AKAP9: variants seen among roughly 807,000 people sequenced by gnomAD.
The protein encoded by AKAP9 is A-kinase anchoring protein 9.
In AKAP9, 311 loss-of-function variants were observed where a neutral mutation model predicts 488.5. That is an observed-to-expected ratio of 0.64 (90% CI 0.58 to 0.70). AKAP9 has a LOEUF of 0.70. AKAP9 is among the 30% of genes least tolerant of loss of function. The pLI is 0.00. For missense variants in AKAP9, 4,215 were observed against 4,374.5 expected (o/e 0.96, Z 1.03); for synonymous variants, 1,462 against 1,483.5 (o/e 0.99, Z 0.33).
intron 14 of AKAP9, among the ~76,000 whole-genome samples, chr7:92,025,488 T>G (rs1040655675): frequency 6.6e-6 from 1 of 152,258 alleles, no homozygotes; most frequent in Non-Finnish European, 1.5e-5. Context: ...TCACATATTT[T>G]GGACATGACT....
Position 92,083,618 on chromosome 7 carries a change from C to T in AKAP9, c.8609C>T (p.Thr2870Ile), listed in dbSNP as rs777828743. ...AVQLLKEECGTLKAVIQCLRS... is the reference protein window; with the variant it reads ...AVQLLKEECGILKAVIQCLRS... ...CAGTTACTGAAAGAGGAATGTGGTA[C>T]CTTGAAGGCAGTGATACAGTGTCTG... Residue 2870 changes from threonine to isoleucine, a missense_variant, in exon 33 of 50, where the codon ACC becomes ATC. Thr to Ile is a moderately conservative substitution (Grantham distance 89, BLOSUM62 -1). This residue lies in a region of AKAP9 where 1,476 missense variants were observed against 1,477.4 expected (regional missense o/e 1.00). Transcript: ENST00000356239. 6.2e-7 allele frequency: 1 copy of T among 1,607,576 alleles called. No individual in the cohort carries two copies. The highest frequency in any genetic ancestry group is 1.7e-5 in the Admixed American group (1 of 58,538).
intron 3 of AKAP9, among the ~76,000 whole-genome samples, chr7:91,986,380 G>C (rs1340458035): frequency 6.6e-6 from 1 of 152,014 alleles, no homozygotes; most frequent in African/African-American, 2.4e-5. Context: ...GCCCTGCTTC[G>C]GCTCACCCTC....
At chr7:91,982,759 A>T (rs1562931758) in intron 3 of AKAP9, among the ~76,000 whole-genome samples, 1 of 152,188 alleles carries the variant, frequency 6.6e-6, no homozygotes, top group African/African-American at 2.4e-5. Flanking sequence ...TCCTTGAGGA[A>T]TTGTCACACT....
intron 47 of AKAP9, among the ~76,000 whole-genome samples, chr7:92,106,198 TTTTC>T (rs1818485050): frequency 6.6e-6 from 1 of 152,204 alleles, no homozygotes. Flanking sequence ...GGAAGCAATG[TTTTC>T]CAAAGACAAA....
intron 27 of AKAP9, among the ~76,000 whole-genome samples, chr7:92,070,409 GTTTTGTT>G (rs1811516902): frequency 1.8e-4 from 9 of 50,320 alleles, no homozygotes; most frequent in Middle Eastern, 8.5e-3. Flanking sequence ...TTGTTGTTTT[GTTTTGTT>G]TTGTTTTGTT....
intron 4 of AKAP9, 103 bp downstream of exon 4, chr7:91,992,314 G>A: frequency 2.3e-6 from 2 of 869,780 alleles, no homozygotes; most frequent in South Asian, 1.4e-5. Flanking sequence ...TTCTGTGTGT[G>A]ATTTCAAATT....
rs1233330908 is a variant in AKAP9, at chr7:92,084,644, C to A, written c.8651C>A (p.Ser2884Tyr). ...VIQCLRSKEG[S>Y]SIPELAHSDA... ...CTTTTTGTTTTCTCTAATTAGGGAT[C>A]CTCAATTCCTGAGCTAGCACATTCT... Residue 2884 changes from serine to tyrosine, a missense_variant, in exon 34 of 50, where the codon TCC becomes TAC. Physicochemically the swap from Ser to Tyr is moderately radical, Grantham distance 144. Coordinates refer to ENST00000356239, the MANE Select transcript of AKAP9 (RefSeq NM_005751.5). 3 of 1,606,460 alleles carry A rather than the reference C, an allele frequency of 1.9e-6. No individual in the cohort carries two copies. Among genetic ancestry groups the A allele is most frequent in the Non-Finnish European group, 2.6e-6 (3 of 1,173,960 alleles).
rs146977345 is a variant in AKAP9, at chr7:92,040,644, T to G, written c.4693-30T>G. ...TTTTACAAAATGTGTTATGGTTGAATTGTTTTTTTTTTTTTTTTTACTATT... is the reference window on the plus strand; with the variant it reads ...TTTTACAAAATGTGTTATGGTTGAAGTGTTTTTTTTTTTTTTTTTACTATT... On this transcript the variant is annotated intron_variant, in intron 17 of 49. Coordinates refer to ENST00000356239, the MANE Select transcript of AKAP9 (RefSeq NM_005751.5). The G allele has an allele frequency of 6.7e-4, 920 of 1,373,636 alleles. 8 individuals carry two copies. In the African/African-American group the frequency reaches 0.014, roughly 20 times the overall value. The allele number at this position is 1,373,636 out of a possible 1,614,324, so 85.1% of individuals were successfully genotyped here. A position where few individuals can be genotyped will look rare whatever the true frequency, so the allele number is the denominator to read the frequency against.
chr7:92,030,143 A>G, intron 15 of AKAP9, 152 bp downstream of exon 15: 1 of 621,936 alleles, frequency 1.6e-6, no homozygotes, highest in East Asian at 2.8e-5. Context: ...CAGAATACAC[A>G]TGTAAAGAAA....
intron 1 of AKAP9, among the ~76,000 whole-genome samples, chr7:91,964,962 CAT>C (rs1468586536): frequency 6.6e-6 from 1 of 151,910 alleles, no homozygotes; most frequent in Non-Finnish European, 1.5e-5. Context: ...TTAATGCACT[CAT>C]ATAGTTTGTA....
At chr7:92,090,621 CAAAAAAAAAA>C (rs71107852) in intron 38 of AKAP9, 48 of 111,572 alleles carry the variant, frequency 4.3e-4, no homozygotes, top group African/African-American at 1.1e-3. Context: ...GACTCCATCT[CAAAAAAAAAA>C]AAAAAAAAAA....
At chr7:92,018,138 G>T (rs1020510053) in intron 12 of AKAP9, among the ~76,000 whole-genome samples, 2 of 152,096 alleles carry the variant, frequency 1.3e-5, no homozygotes, top group Non-Finnish European at 2.9e-5. Flanking sequence ...CTTGTGCATC[G>T]TGTTGCCATT....
intron 7 of AKAP9, among the ~76,000 whole-genome samples, chr7:91,997,920 T>C (rs4729017): frequency 0.96 from 145,591 of 152,232 alleles, 69,674 homozygotes; most frequent in East Asian, 1. Context: ...GCAGCTGAGA[T>C]ATTAGGGTCA....
intron 28 of AKAP9, among the ~76,000 whole-genome samples, chr7:92,075,908 C>T (rs551287730): frequency 6.6e-6 from 1 of 152,268 alleles, no homozygotes; most frequent in East Asian, 1.9e-4. Context: ...GTTTCTAAGG[C>T]AGTAAATGAT....
chr7:92,007,403 C>T (rs556732472), intron 8 of AKAP9, among the ~76,000 whole-genome samples: 5 of 150,908 alleles, frequency 3.3e-5, no homozygotes, highest in South Asian at 4.2e-4. Context: ...AGGTGGCCTC[C>T]GCCATGCCTG....
intron 14 of AKAP9, among the ~76,000 whole-genome samples, chr7:92,024,001 T>TA (rs1269885482): frequency 6.6e-6 from 1 of 152,178 alleles, no homozygotes; most frequent in African/African-American, 2.4e-5. Context: ...CTGTGTAAAT[T>TA]AAAATTGTCT....
At chr7:92,011,394 A>T (rs890998577) in intron 8 of AKAP9, among the ~76,000 whole-genome samples, 1 of 152,238 alleles carries the variant, frequency 6.6e-6, no homozygotes, top group African/African-American at 2.4e-5. Flanking sequence ...ACTATATGCC[A>T]ATATGTACCG....
At chr7:92,045,830 C>CTTTTTTTTTTTTTT (rs35346628) in intron 21 of AKAP9, among the ~76,000 whole-genome samples, 1 of 108,914 alleles carries the variant, frequency 9.2e-6, no homozygotes, top group African/African-American at 3.3e-5. Context: ...CTTTCCGTTT[C>CTTTTTTTTTTTTTT]TTTTTTTTTT....
At chr7:91,942,755 GT>G (rs1486559085) in intron 1 of AKAP9, among the ~76,000 whole-genome samples, 1 of 152,160 alleles carries the variant, frequency 6.6e-6, no homozygotes, top group Non-Finnish European at 1.5e-5. Context: ...TACAATTCTA[GT>G]TTCTTTGTGT....
Sources: allele counts gnomAD v4.1 joint callset (sites outside exome capture counted in the v4.1 genomes callset), GRCh38; gene constraint gnomAD v4.1.1; regional missense constraint gnomAD v4.1.1; transcripts MANE v1.5; gene names NCBI Gene and HGNC (gene_info 2026-07-23, HGNC 2026-07-21).